GTF3C5: variants seen among roughly 807,000 people sequenced by gnomAD.
GTF3C5 encodes the protein general transcription factor IIIC subunit 5.
GTF3C5 carries 47 observed loss-of-function variants against 61.0 expected under a neutral mutation model. The ratio of observed to expected loss-of-function variants is 0.77; its 90% CI spans 0.61 to 0.98. The LOEUF is 0.98. Among genes scored for constraint, GTF3C5 ranks in the 50% least tolerant of loss-of-function variants. The pLI is 0.00. For missense variants in GTF3C5, 659 were observed against 703.3 expected, an observed-to-expected ratio of 0.94 and a Z score of 0.71; for synonymous variants, 295 against 275.4, an observed-to-expected ratio of 1.07 and a Z score of -0.71.
intron 1 of GTF3C5, among the ~76,000 whole-genome samples, chr9:133,039,118 A>T (rs1243186416): frequency 6.6e-6 from 1 of 152,092 alleles, no homozygotes; most frequent in Admixed American, 6.6e-5. Context: ...CAGCTGGAGG[A>T]TGCTATGTGT....
At chr9:133,047,026 C>A (rs934505010) in intron 3 of GTF3C5, among the ~76,000 whole-genome samples, 1 of 152,104 alleles carries the variant, frequency 6.6e-6, no homozygotes, top group Non-Finnish European at 1.5e-5. Flanking sequence ...CTAGTAGCCC[C>A]CACGTGCCCA....
upstream of GTF3C5, chr9:133,030,961 T>G (rs1348285401): frequency 6.2e-7 from 1 of 1,600,046 alleles, no homozygotes; most frequent in Non-Finnish European, 8.6e-7. Flanking sequence ...GCGAGGCCTT[T>G]GGGAGTACTT....
intron 1 of GTF3C5, among the ~76,000 whole-genome samples, 195 bp downstream of exon 1, chr9:133,031,359 G>A (rs371350378): frequency 2.6e-4 from 40 of 152,112 alleles, no homozygotes; most frequent in African/African-American, 9.4e-4. Context: ...TTGTTTTTTT[G>A]TTGGTTTTTC....
At chr9:133,053,791 C>G in intron 5 of GTF3C5, 37 bp from the exon 6 acceptor site, 1 of 1,382,784 alleles carries the variant, frequency 7.2e-7, no homozygotes, top group Non-Finnish European at 1.0e-6. Context: ...CCTGGGCCTT[C>G]ACCTCACCTC....
At chr9:133,046,488 G>C (rs1023793424) in intron 3 of GTF3C5, among the ~76,000 whole-genome samples, 1 of 152,226 alleles carries the variant, frequency 6.6e-6, no homozygotes, top group Non-Finnish European at 1.5e-5. Flanking sequence ...GCCTAGAAAA[G>C]TCTGGAAGAT....
chr9:133,043,773 G>T lies in GTF3C5; in HGVS notation c.419G>T (p.Gly140Val), dbSNP rs1348269331. The stretch of plus-strand genomic sequence containing the variant: ...TTGGCTGTGCATACGGAAGCAGGCG[G>T]CAAGCATACGTCAATGTATGACAAG... ...QYLAVHTEAG[G>V]KHTSMYDKVL... The change falls in exon 3 of 11, where the codon GGC becomes GTC. Residue 140 changes from glycine (G) to valine (V), a missense_variant. Physicochemically the swap from Gly to Val is moderately radical, Grantham distance 109. Transcript: ENST00000372097. 1 of 1,614,074 alleles carries T rather than the reference G, an allele frequency of 6.2e-7. No individual in the cohort carries two copies. The highest frequency in any genetic ancestry group is 2.2e-5 in the East Asian group (1 of 44,892).
In GTF3C5 at chr9:133,042,243, C is replaced by G. The variant is rs768220836; in HGVS notation, c.310C>G (p.His104Asp). The change falls in exon 2 of 11, where the codon CAC (histidine) becomes GAC (aspartate). Residue 104 changes from histidine (H) to aspartate (D), a missense_variant. Transcript: ENST00000372097. The stretch of plus-strand genomic sequence containing the variant: ...GAAAGGGGTGCTGGGCACTGAGGCC[C>G]ACTCCGAGGTCACATTTGACATGGA... ...RQKGVLGTEA[H>D]SEVTFDMEIL... The G allele has an allele frequency of 3.1e-6, 5 of 1,613,828 alleles. No individual in the cohort carries two copies. Among genetic ancestry groups the G allele is most frequent in the Middle Eastern group, 1.7e-4 (1 of 6,060 alleles).
At position 133,053,830 on chromosome 9, in the gene GTF3C5, A is replaced by T; in HGVS notation, c.876A>T (p.Ile292=). The change falls in exon 6 of 11, where the codon ATA becomes ATT. Residue 292 remains isoleucine (I), a splice_region_variant and synonymous_variant. Transcript: ENST00000372097. ...TTTTCCCCACTTTTCTGTCCCAGAT[A>T]ACAGGCCCCTGGCGCAGCCTATGGA... is the stretch of plus-strand genomic sequence containing the variant. ...VLLPFIAYYM[I]TGPWRSLWIR... The T allele has an allele frequency of 6.2e-7, 1 of 1,601,098 alleles. No homozygotes were observed. Among genetic ancestry groups the T allele is most frequent in the Non-Finnish European group, 8.5e-7 (1 of 1,170,350 alleles).
At chr9:133,044,805 C>G (rs1850152973) in intron 3 of GTF3C5, among the ~76,000 whole-genome samples, 1 of 152,162 alleles carries the variant, frequency 6.6e-6, no homozygotes, top group South Asian at 2.1e-4. Context: ...CTCCTGAGGA[C>G]AGGCGCTCAC....
intron 5 of GTF3C5, among the ~76,000 whole-genome samples, chr9:133,053,424 A>C (rs1850446648): frequency 6.6e-6 from 1 of 152,132 alleles, no homozygotes; most frequent in African/African-American, 2.4e-5. Context: ...ATCTCTACAA[A>C]AAAATTAAAA....
At chr9:133,054,102 G>T (rs949200448) in intron 6 of GTF3C5, among the ~76,000 whole-genome samples, 160 bp downstream of exon 6, 4 of 152,196 alleles carry the variant, frequency 2.6e-5, no homozygotes, top group African/African-American at 9.6e-5. Context: ...GCGTGGAAAC[G>T]AAAGTCCTAG....
chr9:133,037,559 C>T (rs976814613), intron 1 of GTF3C5, among the ~76,000 whole-genome samples: 2 of 152,022 alleles, frequency 1.3e-5, no homozygotes, highest in Non-Finnish European at 2.9e-5. Context: ...CAATTCCCTT[C>T]CCTTGACCAG....
chr9:133,057,725 T>C, intron 10 of GTF3C5, 89 bp from the exon 11 acceptor site: 1 of 1,286,330 alleles, frequency 7.8e-7, no homozygotes. Context: ...CTTATAGTAG[T>C]AAACAGGCTC....
chr9:133,032,742 G>A (rs1366726331), intron 1 of GTF3C5, among the ~76,000 whole-genome samples: 2 of 152,088 alleles, frequency 1.3e-5, no homozygotes, highest in East Asian at 1.9e-4. Flanking sequence ...GAATAAACAC[G>A]TTTATTACAA....
intron 3 of GTF3C5, among the ~76,000 whole-genome samples, 153 bp from the exon 4 acceptor site, chr9:133,050,630 A>G (rs1541331): frequency 0.11 from 16,710 of 152,238 alleles, 1,955 homozygotes; most frequent in African/African-American, 0.3. Context: ...TTTAGCAGCC[A>G]ACTCTGGGGT....
At chr9:133,032,052 C>T (rs1244126945) in intron 1 of GTF3C5, among the ~76,000 whole-genome samples, 1 of 152,134 alleles carries the variant, frequency 6.6e-6, no homozygotes, top group African/African-American at 2.4e-5. Flanking sequence ...ACTCATAACT[C>T]ATTGTATTTA....
rs763539610 is a variant in GTF3C5 at position 133,043,817 on chromosome 9, G to A, written c.463G>A (p.Glu155Lys). The change falls in exon 3 of 11, where the codon GAG becomes AAG. Residue 155 changes from glutamate to lysine, a missense_variant. Coordinates refer to ENST00000372097, the MANE Select transcript of GTF3C5 (RefSeq NM_012087.4). ...TGACAAGGTGCTCATGCTCCGGCCC[G>A]AGAAGGAGGCCTTTTTCCACCAGGA... ...MYDKVLMLRPEKEAFFHQELP... is the reference protein window; with the variant it reads ...MYDKVLMLRPKKEAFFHQELP... 7.4e-6 allele frequency: 12 copies of A among 1,613,968 alleles called. No homozygotes were observed. The highest frequency in any genetic ancestry group is 6.7e-5 in the Admixed American group (4 of 60,008).
chr9:133,031,130 T>C lies in GTF3C5; in HGVS notation c.119T>C (p.Leu40Pro). ...GTGGTGCGTGATGTGGCTAAGATGC[T>C]GCCGACTCTGGGCGGCGAGGAAGGC... is the stretch of plus-strand genomic sequence containing the variant. Reference protein sequence around the residue: ...PGVVRDVAKMLPTLGGEEGVS... With the variant: ...PGVVRDVAKMPPTLGGEEGVS... The change falls in exon 1 of 11, where the codon CTG (leucine) becomes CCG (proline). Residue 40 changes from leucine to proline, a missense_variant. Transcript: ENST00000372097. The C allele has an allele frequency of 6.3e-7, 1 of 1,595,574 alleles. No homozygotes were observed.
At chr9:133,048,783 G>A (rs1474351931) in intron 3 of GTF3C5, among the ~76,000 whole-genome samples, 1 of 152,262 alleles carries the variant, frequency 6.6e-6, no homozygotes, top group African/African-American at 2.4e-5. Context: ...CAGCCCCTGG[G>A]GTAAAATGAG....
Sources: allele counts gnomAD v4.1 joint callset (sites outside exome capture counted in the v4.1 genomes callset), GRCh38; gene constraint gnomAD v4.1.1; transcripts MANE v1.5; gene names NCBI Gene and HGNC (gene_info 2026-07-23, HGNC 2026-07-21).